Variants in GLYATL1 observed in about 807,000 individuals in gnomAD.
The protein encoded by GLYATL1 is glycine-N-acyltransferase like 1, also known as glycine N-acyltransferase-like protein 1.
In GLYATL1, 15 loss-of-function variants were observed where a neutral mutation model predicts 20.0. That is an observed-to-expected ratio of 0.75 (90% CI 0.50 to 1.15). The LOEUF (loss-of-function observed/expected upper bound fraction) is 1.15, where lower values mean the gene tolerates loss of function less well. Ranked by LOEUF, GLYATL1 falls within the 50% of genes most tolerant of loss-of-function variation. The pLI is 0.00. For synonymous variants in GLYATL1, 151 were observed against 131.5 expected, an observed-to-expected ratio of 1.15 and a Z score of -1.01; for missense variants, 380 against 368.5, an observed-to-expected ratio of 1.03 and a Z score of -0.26.
chr11:58,946,959 C>A (rs1024863526), intron 2 of GLYATL1, 87 bp from the exon 3 acceptor site: 28 of 919,570 alleles, frequency 3.0e-5, no homozygotes, highest in South Asian at 2.4e-4. Flanking sequence ...ACCTACATCA[C>A]GAGTGTTACT....
At chr11:58,920,788 G>A (rs180771050) in intron 1 of GLYATL1, among the ~76,000 whole-genome samples, 15 of 152,248 alleles carry the variant, frequency 9.9e-5, no homozygotes, top group Admixed American at 4.6e-4. Context: ...AACTGAGTGC[G>A]GTACCCGGAT....
chr11:58,921,440 C>T (rs549673099), intron 1 of GLYATL1, among the ~76,000 whole-genome samples: 1 of 152,166 alleles, frequency 6.6e-6, no homozygotes, highest in Non-Finnish European at 1.5e-5. Context: ...TATTCTTCAG[C>T]CCCTGCCATC....
At chr11:58,947,418 G>A (rs1453645236) in intron 3 of GLYATL1, 2 of 543,418 alleles carry the variant, frequency 3.7e-6, no homozygotes, top group Admixed American at 6.7e-5. Context: ...ATGGTTTGGA[G>A]CCTGTCTGAA....
intron 3 of GLYATL1, 167 bp from the exon 4 acceptor site, chr11:58,947,691 T>C: frequency 1.7e-6 from 1 of 589,750 alleles, no homozygotes; most frequent in Non-Finnish European, 3.0e-6. Flanking sequence ...TGCTGGTAAC[T>C]TCACGTCCAT....
intron 1 of GLYATL1, among the ~76,000 whole-genome samples, chr11:58,919,156 T>C (rs1279318984): frequency 2.0e-5 from 3 of 152,280 alleles, no homozygotes; most frequent in Non-Finnish European, 2.9e-5. Flanking sequence ...CCCAGCCATG[T>C]ACTTTTGGCA....
intron 2 of GLYATL1, among the ~76,000 whole-genome samples, chr11:58,945,880 A>G (rs1194632014): frequency 6.6e-6 from 1 of 152,192 alleles, no homozygotes; most frequent in South Asian, 2.1e-4. Flanking sequence ...TTGTTTAAAC[A>G]TTGCTTCATC....
intron 1 of GLYATL1, among the ~76,000 whole-genome samples, chr11:58,916,509 G>A (rs1315943758): frequency 6.6e-6 from 1 of 152,182 alleles, no homozygotes; most frequent in Non-Finnish European, 1.5e-5. Context: ...GGTAATAGTA[G>A]CAGAGCCTGG....
upstream of GLYATL1, chr11:58,935,605 G>C (rs1317805620): frequency 2.0e-5 from 3 of 152,102 alleles, no homozygotes; most frequent in Non-Finnish European, 4.4e-5. Flanking sequence ...GTCCCATTCT[G>C]ACATTTTGCT....
At chr11:58,914,114 G>A (rs777967303) in intron 1 of GLYATL1, among the ~76,000 whole-genome samples, 5 of 152,162 alleles carry the variant, frequency 3.3e-5, no homozygotes, top group South Asian at 2.1e-4. Flanking sequence ...GTTACAATCT[G>A]GAGAAAAGGT....
intron 1 of GLYATL1, among the ~76,000 whole-genome samples, chr11:58,942,327 C>T (rs1280225559): frequency 6.6e-6 from 1 of 152,218 alleles, no homozygotes; most frequent in Non-Finnish European, 1.5e-5. Flanking sequence ...AGCAATATCT[C>T]TAGCTTCCAA....
rs541055035 is a variant in GLYATL1 at position 58,947,020 on chromosome 11, T to A, written c.-42-26T>A. On this transcript the variant is annotated intron_variant, in intron 2 of 6. Transcript: ENST00000532726. The stretch of plus-strand genomic sequence containing the variant: ...TTAAATTCATTTGTTTCCTTAACAT[T>A]TTCCCTTCATTTCTTATCTTTTCAG... 1.9e-6 allele frequency: 3 copies of A among 1,549,536 alleles called. No individual in the cohort carries two copies. In the African/African-American group the frequency reaches 4.1e-5, roughly 21 times the overall value.
At chr11:58,949,833 A>C (rs1395294922) in intron 4 of GLYATL1, among the ~76,000 whole-genome samples, 3 of 152,234 alleles carry the variant, frequency 2.0e-5, no homozygotes, top group Non-Finnish European at 4.4e-5. Context: ...ATGCAGGAGA[A>C]TTTATCTAGA....
chr11:58,907,525 C>G (rs1854930073), exon 2 of GLYATL1: 1 of 367,820 alleles, frequency 2.7e-6, no homozygotes. Context: ...AAATCCAGTC[C>G]CTGTTACTCC....
At chr11:58,949,102 G>C (rs1020180897) in intron 4 of GLYATL1, among the ~76,000 whole-genome samples, 8 of 152,180 alleles carry the variant, frequency 5.3e-5, no homozygotes, top group Non-Finnish European at 1.2e-4. Flanking sequence ...ATAAATGATG[G>C]AGCTGAAATG....
At position 58,916,377 on chromosome 11, in the gene GLYATL1, G is replaced by T. The variant is rs540358869; in HGVS notation, n.264+10716G>T. ...GCTGAAAGTACGATTACCCCATATG[G>T]TTCTACTGCCTTCACACTTACCAAG... On this transcript the variant is annotated intron_variant and non_coding_transcript_variant, in intron 1 of 2. Coordinates refer to the GLYATL1 transcript ENST00000534674. Among the ~76,000 whole-genome samples, 44 of 152,270 alleles carry T rather than the reference G, an allele frequency of 2.9e-4. 1 individual carries two copies. The highest frequency in any genetic ancestry group is 9.1e-4 in the African/African-American group (38 of 41,540).
At chr11:58,947,526 G>A (rs1267698232) in intron 3 of GLYATL1, 3 of 445,320 alleles carry the variant, frequency 6.7e-6, no homozygotes, top group African/African-American at 5.8e-5. Flanking sequence ...CCATCAATGA[G>A]ATGGGAATAA....
At chr11:58,936,600 G>A (rs1855847234), upstream of GLYATL1, among the ~76,000 whole-genome samples, 1 of 152,216 alleles carries the variant, frequency 6.6e-6, no homozygotes, top group Non-Finnish European at 1.5e-5. Flanking sequence ...AGCAAATAAT[G>A]AAAGCTGAAT....
At chr11:58,953,960 C>T (rs1857193967) in intron 4 of GLYATL1, among the ~76,000 whole-genome samples, 1 of 152,154 alleles carries the variant, frequency 6.6e-6, no homozygotes. Context: ...TTCTTTCAAA[C>T]CCAAGAGTCT....
At chr11:58,918,630 G>A (rs917107864) in intron 1 of GLYATL1, among the ~76,000 whole-genome samples, 1 of 152,200 alleles carries the variant, frequency 6.6e-6, no homozygotes, top group Non-Finnish European at 1.5e-5. Context: ...TTTCCCAGGG[G>A]AGGGGGTTGG....
Sources: gnomAD v4.1 joint callset for allele counts (sites outside exome capture counted in the v4.1 genomes callset) on GRCh38, gnomAD v4.1.1 for gene constraint, MANE v1.5 for transcripts, NCBI Gene and HGNC (gene_info 2026-07-23, HGNC 2026-07-21) for gene names.